The following KLHL5 variants were observed in gnomAD, a reference collection of about 807,000 sequenced individuals.
KLHL5 encodes kelch like family member 5, also known as kelch-like protein 5.
In KLHL5, 48 loss-of-function variants were observed where a neutral mutation model predicts 77.7. That is an observed-to-expected ratio of 0.62 (90% CI 0.49 to 0.79). The LOEUF is 0.79. Ranked by LOEUF, KLHL5 falls within the 30% of genes least tolerant of loss-of-function variation. The pLI is 0.00. For synonymous variants in KLHL5, 260 were observed against 297.0 expected, an observed-to-expected ratio of 0.88 and a Z score of 1.28; for missense variants, 723 against 859.7, an observed-to-expected ratio of 0.84 and a Z score of 1.99.
At chr4:39,058,307 T>C (rs574107025), upstream of KLHL5, among the ~76,000 whole-genome samples, 2 of 152,190 alleles carry the variant, frequency 1.3e-5, no homozygotes, top group South Asian at 2.1e-4. Context: ...AGAATAACAT[T>C]GTGATTTTTC....
chr4:39,108,178 G>T (rs981267402), intron 8 of KLHL5, among the ~76,000 whole-genome samples: 3 of 151,466 alleles, frequency 2.0e-5, no homozygotes, highest in Non-Finnish European at 2.9e-5. Context: ...TTCTTATCTT[G>T]GAAAACTGGT....
chr4:39,134,987 G>A, the KLHL5 span, among the ~76,000 whole-genome samples: 1 of 152,194 alleles, frequency 6.6e-6, no homozygotes, highest in Admixed American at 6.5e-5. Context: ...CTGCTGCTGT[G>A]ATGTATCAGA....
downstream of KLHL5, among the ~76,000 whole-genome samples, chr4:39,131,387 G>A (rs1897137): frequency 0.53 from 79,821 of 151,964 alleles, 21,574 homozygotes; most frequent in Non-Finnish European, 0.59. Flanking sequence ...GTTACTTAAA[G>A]AGATATTTGT....
At chr4:39,084,773 A>G (rs1193196465) in intron 4 of KLHL5, among the ~76,000 whole-genome samples, 6 of 152,208 alleles carry the variant, frequency 3.9e-5, no homozygotes. Context: ...AAATCTGTCA[A>G]TTATACTTTA....
At chr4:39,059,290 G>A (rs1717211011), upstream of KLHL5, among the ~76,000 whole-genome samples, 2 of 151,564 alleles carry the variant, frequency 1.3e-5, no homozygotes, top group South Asian at 2.1e-4. Flanking sequence ...GATAAAGACT[G>A]ATAACTTAAT....
chr4:39,055,627 C>T (rs932444088), intron 1 of KLHL5, among the ~76,000 whole-genome samples: 8 of 152,102 alleles, frequency 5.3e-5, no homozygotes, highest in African/African-American at 1.9e-4. Context: ...TGATTATTGA[C>T]TTTTTTCTTT....
downstream of KLHL5, among the ~76,000 whole-genome samples, chr4:39,130,664 A>C (rs1251100140): frequency 6.6e-6 from 1 of 152,146 alleles, no homozygotes; most frequent in African/African-American, 2.4e-5. Context: ...CACCTTTAGG[A>C]GGATGACCAG....
chr4:39,094,960 C>G (rs924389534), intron 5 of KLHL5, among the ~76,000 whole-genome samples: 4 of 151,756 alleles, frequency 2.6e-5, no homozygotes, highest in African/African-American at 9.7e-5. Flanking sequence ...AAAGACAAGA[C>G]TTTGTAACCA....
intron 8 of KLHL5, among the ~76,000 whole-genome samples, chr4:39,111,076 A>G (rs1200674263): frequency 6.6e-6 from 1 of 152,166 alleles, no homozygotes; most frequent in East Asian, 1.9e-4. Flanking sequence ...GCTTGAGATA[A>G]TGATTATTTA....
chr4:39,061,698 A>G (rs1717424800), upstream of KLHL5, among the ~76,000 whole-genome samples: 1 of 152,216 alleles, frequency 6.6e-6, no homozygotes. Context: ...AGTCCCTGGT[A>G]GCTTTTTTGA....
At chr4:39,136,930 A>T in the KLHL5 span, among the ~76,000 whole-genome samples, 2 of 152,210 alleles carry the variant, frequency 1.3e-5, no homozygotes, top group South Asian at 4.1e-4. Flanking sequence ...GCAGGAAAAC[A>T]TGGGCATCTG....
intron 2 of KLHL5, among the ~76,000 whole-genome samples, chr4:39,079,932 C>T (rs1719452801): frequency 6.6e-6 from 1 of 152,096 alleles, no homozygotes. Flanking sequence ...AAAATTGAAA[C>T]AACAATGAGA....
intron 5 of KLHL5, among the ~76,000 whole-genome samples, chr4:39,095,932 A>G (rs932743546): frequency 3.3e-5 from 5 of 152,028 alleles, no homozygotes; most frequent in South Asian, 2.1e-4. Flanking sequence ...TTGCATAAAT[A>G]TGAAGAAAAT....
chr4:39,111,433 C>T (rs1245943109), intron 8 of KLHL5, among the ~76,000 whole-genome samples: 2 of 152,146 alleles, frequency 1.3e-5, no homozygotes, highest in African/African-American at 4.8e-5. Context: ...CCATTCTTTA[C>T]AATAAAGTCC....
At chr4:39,095,602 C>T (rs144908406) in intron 5 of KLHL5, among the ~76,000 whole-genome samples, 5 of 151,322 alleles carry the variant, frequency 3.3e-5, no homozygotes, top group African/African-American at 4.8e-5. Context: ...TACATATACA[C>T]GTATATATAT....
At chr4:39,118,756 CAA>C (rs1040948148) in intron 10 of KLHL5, among the ~76,000 whole-genome samples, 1 of 140,766 alleles carries the variant, frequency 7.1e-6, no homozygotes, top group Non-Finnish European at 1.6e-5. Flanking sequence ...AACTCCCTCT[CAA>C]AAAAAAAAAG....
chr4:39,118,527 G>C (rs148336842), intron 10 of KLHL5, among the ~76,000 whole-genome samples: 6 of 152,114 alleles, frequency 3.9e-5, no homozygotes, highest in African/African-American at 1.4e-4. Flanking sequence ...AGGCCAAGGC[G>C]GGTGGGTCAC....
the KLHL5 span, among the ~76,000 whole-genome samples, chr4:39,132,639 C>T: frequency 6.6e-6 from 1 of 151,724 alleles, no homozygotes; most frequent in Non-Finnish European, 1.5e-5. Context: ...GAAAAGAAAA[C>T]TCTAGGCCTT....
At chr4:39,092,366 A>G (rs561904225) in intron 5 of KLHL5, among the ~76,000 whole-genome samples, 38 of 152,222 alleles carry the variant, frequency 2.5e-4, no homozygotes, top group Non-Finnish European at 3.8e-4. Context: ...ATTTATAGAT[A>G]CTATCTGTAT....
Sources: gnomAD v4.1 joint callset for allele counts (sites outside exome capture counted in the v4.1 genomes callset) on GRCh38, gnomAD v4.1.1 for gene constraint, MANE v1.5 for transcripts, NCBI Gene and HGNC (gene_info 2026-07-23, HGNC 2026-07-21) for gene names.